MTUS2: variants seen among roughly 807,000 people sequenced by gnomAD.
MTUS2 encodes the protein microtubule associated scaffold protein 2, also known as microtubule-associated tumor suppressor candidate 2.
In MTUS2, 40 loss-of-function variants were observed where a neutral mutation model predicts 114.1. That is an observed-to-expected ratio of 0.35 (90% CI 0.27 to 0.46). The LOEUF (loss-of-function observed/expected upper bound fraction) is 0.46, where lower values mean the gene tolerates loss of function less well. Among genes scored for constraint, MTUS2 ranks in the 20% least tolerant of loss-of-function variants. The probability of loss-of-function intolerance (pLI) is 1.00; values close to 1 mark genes in which losing one functional copy is unlikely to be tolerated. For missense variants in MTUS2, 1,679 were observed against 1,705.4 expected, an observed-to-expected ratio of 0.98 and a Z score of 0.27; for synonymous variants, 688 against 672.0, an observed-to-expected ratio of 1.02 and a Z score of -0.37.
chr13:28,934,936 C>T (rs1015984874), intron 2 of MTUS2, among the ~76,000 whole-genome samples: 1 of 151,810 alleles, frequency 6.6e-6, no homozygotes, highest in African/African-American at 2.4e-5. Context: ...TTTCCAGCAC[C>T]CCAGCAGCTC....
intron 2 of MTUS2, among the ~76,000 whole-genome samples, chr13:28,858,728 G>A (rs1039543682): frequency 6.6e-6 from 1 of 152,204 alleles, no homozygotes; most frequent in South Asian, 2.1e-4. Context: ...CTGTTGTGTG[G>A]AGAGGGGACA....
At chr13:29,075,854 G>C (rs1196697827) in intron 4 of MTUS2, among the ~76,000 whole-genome samples, 1 of 152,042 alleles carries the variant, frequency 6.6e-6, no homozygotes, top group East Asian at 1.9e-4. Context: ...ATCTGGAGAG[G>C]CTTGGACTTT....
chr13:28,898,522 A>G (rs1330118960), intron 2 of MTUS2, among the ~76,000 whole-genome samples: 1 of 152,240 alleles, frequency 6.6e-6, no homozygotes, highest in Non-Finnish European at 1.5e-5. Flanking sequence ...GTAAAGCAAG[A>G]GTACATGATG....
chr13:29,360,354 C>T (rs1376565228), intron 8 of MTUS2, among the ~76,000 whole-genome samples: 1 of 152,174 alleles, frequency 6.6e-6, no homozygotes, highest in African/African-American at 2.4e-5. Flanking sequence ...TGAAGTGGCT[C>T]CATGTCCCCT....
chr13:29,338,140 T>A (rs577216502), intron 7 of MTUS2, among the ~76,000 whole-genome samples: 30 of 152,192 alleles, frequency 2.0e-4, no homozygotes, highest in Admixed American at 5.2e-4. Flanking sequence ...TCTGTAATTC[T>A]TATATGAGCT....
chr13:28,922,871 A>G (rs1881122171), intron 2 of MTUS2, among the ~76,000 whole-genome samples: 1 of 152,188 alleles, frequency 6.6e-6, no homozygotes, highest in African/African-American at 2.4e-5. Context: ...TGGGGGAACA[A>G]ATCGTGTAGA....
At chr13:29,247,642 C>A (rs527331689) in intron 5 of MTUS2, among the ~76,000 whole-genome samples, 8 of 151,866 alleles carry the variant, frequency 5.3e-5, no homozygotes, top group Non-Finnish European at 1.0e-4. Flanking sequence ...AACAAACATA[C>A]GAAAAAATGC....
rs1881098391 is a variant in MTUS2, at chr13:29,480,665, G to A, written c.3399+301G>A. On this transcript the variant is annotated intron_variant, in intron 10 of 15. Coordinates refer to ENST00000612955, the MANE Select transcript of MTUS2 (RefSeq NM_001033602.4). This position sits in a 1 kb window ranked among gnomAD's most constrained non-coding sequence, Gnocchi z 4.4. ...AGACTTTTCTCTGTCACCTTGCTCA[G>A]TGAGACCTTTATCCAAAATTATTAT... Among the ~76,000 whole-genome samples the A allele has an allele frequency of 6.6e-6, 1 of 152,090 alleles. No individual in the cohort carries two copies. Among genetic ancestry groups the A allele is most frequent in the Admixed American group, 6.5e-5 (1 of 15,272 alleles).
intron 2 of MTUS2, among the ~76,000 whole-genome samples, chr13:28,845,340 A>G (rs1418155256): frequency 6.6e-6 from 1 of 152,200 alleles, no homozygotes; most frequent in East Asian, 1.9e-4. Context: ...TTTATTCACT[A>G]CCATTTTCCT....
intron 2 of MTUS2, among the ~76,000 whole-genome samples, chr13:28,917,994 A>T (rs1198170161): frequency 6.6e-6 from 1 of 151,868 alleles, no homozygotes; most frequent in Non-Finnish European, 1.5e-5. Flanking sequence ...AGCATGTTGT[A>T]TAATTTGCAT....
intron 12 of MTUS2, among the ~76,000 whole-genome samples, chr13:29,492,955 G>A (rs893111540): frequency 1.3e-5 from 2 of 152,202 alleles, no homozygotes; most frequent in African/African-American, 4.8e-5. Flanking sequence ...GAATAATACA[G>A]TTGGTGAATG....
At chr13:28,903,003 A>G (rs1477801530) in intron 2 of MTUS2, among the ~76,000 whole-genome samples, 1 of 152,130 alleles carries the variant, frequency 6.6e-6, no homozygotes, top group East Asian at 1.9e-4. Context: ...TCAGTAGTTT[A>G]TAGGGCTGTT....
chr13:28,948,375 G>A (rs756504908), intron 2 of MTUS2, among the ~76,000 whole-genome samples: 1 of 152,126 alleles, frequency 6.6e-6, no homozygotes, highest in African/African-American at 2.4e-5. Context: ...AGTTACAGGA[G>A]GCATTTATTG....
chr13:28,937,841 C>T (rs535857285), intron 2 of MTUS2, among the ~76,000 whole-genome samples: 1 of 152,198 alleles, frequency 6.6e-6, no homozygotes, highest in South Asian at 2.1e-4. Flanking sequence ...GTCAGCTGAC[C>T]TCTAGGTCTG....
chr13:29,274,426 C>A (rs999724645), intron 5 of MTUS2, among the ~76,000 whole-genome samples: 2 of 152,090 alleles, frequency 1.3e-5, no homozygotes, highest in African/African-American at 4.8e-5. Flanking sequence ...ATGTTTAACA[C>A]ATTGAGAAAC....
intron 8 of MTUS2, among the ~76,000 whole-genome samples, chr13:29,367,280 C>T (rs1336683929): frequency 6.6e-6 from 1 of 152,068 alleles, no homozygotes; most frequent in East Asian, 1.9e-4. Flanking sequence ...TCCGGGACAG[C>T]AGGAAGAACT....
intron 9 of MTUS2, among the ~76,000 whole-genome samples, chr13:29,465,682 C>G (rs1225572994): frequency 1.3e-5 from 2 of 152,142 alleles, no homozygotes; most frequent in Non-Finnish European, 2.9e-5. Context: ...CCCAAAACTC[C>G]TCAGTCCCTG....
chr13:29,078,153 G>A (rs906579802), intron 4 of MTUS2, among the ~76,000 whole-genome samples: 4 of 152,014 alleles, frequency 2.6e-5, no homozygotes, highest in African/African-American at 9.6e-5. Context: ...AAAGAAATGA[G>A]TCCACTTCAG....
At chr13:28,825,612 A>G (rs1874217723) in intron 1 of MTUS2, among the ~76,000 whole-genome samples, 1 of 152,146 alleles carries the variant, frequency 6.6e-6, no homozygotes, top group African/African-American at 2.4e-5. Context: ...GGCTGTCATG[A>G]ATTTCTCCAT....
Sources: gnomAD v4.1 joint callset for allele counts (sites outside exome capture counted in the v4.1 genomes callset) on GRCh38, gnomAD v4.1.1 for gene constraint, Gnocchi (gnomAD v3.1) non-coding constraint, MANE v1.5 for transcripts, NCBI Gene and HGNC (gene_info 2026-07-23, HGNC 2026-07-21) for gene names.